The following MIR2052HG variants were observed in gnomAD, a reference collection of about 807,000 sequenced individuals.
MIR2052HG encodes MIR2052 host gene.
At chr8:74,725,152 T>C (rs1000227584) in intron 4 of MIR2052HG, among the ~76,000 whole-genome samples, 6 of 152,164 alleles carry the variant, frequency 3.9e-5, no homozygotes, top group Non-Finnish European at 8.8e-5. Context: ...AGTAACACAA[T>C]AAAACAAGCA....
At chr8:74,693,636 G>A (rs958032074) in intron 2 of MIR2052HG, among the ~76,000 whole-genome samples, 5 of 151,888 alleles carry the variant, frequency 3.3e-5, no homozygotes, top group Non-Finnish European at 7.4e-5. Context: ...GGAATGGTGG[G>A]AATGAGACCA....
At chr8:74,644,224 C>T (rs1052624990) in intron 2 of MIR2052HG, among the ~76,000 whole-genome samples, 10 of 152,294 alleles carry the variant, frequency 6.6e-5, no homozygotes, top group African/African-American at 1.9e-4. Flanking sequence ...CACATAATGA[C>T]GTTTCAGTCA....
chr8:74,691,010 T>C (rs1809234362), intron 2 of MIR2052HG, among the ~76,000 whole-genome samples: 1 of 152,194 alleles, frequency 6.6e-6, no homozygotes, highest in Non-Finnish European at 1.5e-5. Context: ...CTTTACTAAG[T>C]ATTATTGGGT....
chr8:74,690,370 T>G (rs547320270), intron 2 of MIR2052HG, among the ~76,000 whole-genome samples: 23 of 152,264 alleles, frequency 1.5e-4, no homozygotes, highest in African/African-American at 5.3e-4. Flanking sequence ...GAGGAAACAG[T>G]GTGAGCTAAT....
At chr8:74,609,486 T>C (rs1414367069) in intron 1 of MIR2052HG, among the ~76,000 whole-genome samples, 1 of 151,726 alleles carries the variant, frequency 6.6e-6, no homozygotes, top group Non-Finnish European at 1.5e-5. Context: ...GACAAAGATA[T>C]TGCAAAGGAA....
At chr8:74,627,356 A>G (rs1808450803) in intron 2 of MIR2052HG, among the ~76,000 whole-genome samples, 1 of 152,242 alleles carries the variant, frequency 6.6e-6, no homozygotes, top group Admixed American at 6.5e-5. Flanking sequence ...CCAATGGCTG[A>G]TGAGTGTTGC....
intron 2 of MIR2052HG, among the ~76,000 whole-genome samples, chr8:74,646,246 G>C (rs1342725360): frequency 6.6e-6 from 1 of 152,192 alleles, no homozygotes; most frequent in Non-Finnish European, 1.5e-5. Context: ...CTTCCTAGAG[G>C]AAGTAAGAGA....
intron 1 of MIR2052HG, among the ~76,000 whole-genome samples, chr8:74,600,546 CAA>C (rs1807981802): frequency 7.6e-6 from 1 of 131,124 alleles, no homozygotes; most frequent in East Asian, 2.2e-4. Context: ...CCAGCCTGGG[CAA>C]CAAGAGCAAA....
chr8:74,680,305 A>G (rs1032653957), intron 2 of MIR2052HG, among the ~76,000 whole-genome samples: 2 of 152,212 alleles, frequency 1.3e-5, no homozygotes, highest in African/African-American at 2.4e-5. Context: ...CAAAGAAGAA[A>G]TAAAATCATG....
At chr8:74,616,521 A>G (rs1238256386) in intron 2 of MIR2052HG, among the ~76,000 whole-genome samples, 5 of 151,510 alleles carry the variant, frequency 3.3e-5, no homozygotes, top group Non-Finnish European at 7.4e-5. Context: ...CTTTTTAAGT[A>G]TTACTGTCCC....
chr8:74,678,099 T>C (rs1809074715), intron 2 of MIR2052HG, among the ~76,000 whole-genome samples: 1 of 152,180 alleles, frequency 6.6e-6, no homozygotes, highest in African/African-American at 2.4e-5. Flanking sequence ...AAAAGTTGGC[T>C]GAAGAGATAA....
intron 4 of MIR2052HG, among the ~76,000 whole-genome samples, chr8:74,751,020 C>G (rs1200607567): frequency 6.6e-6 from 1 of 152,176 alleles, no homozygotes; most frequent in Non-Finnish European, 1.5e-5. Context: ...TTTAAAAATA[C>G]AGCACATTCT....
chr8:74,603,438 C>T (rs1422795935), intron 1 of MIR2052HG: 32 of 1,607,714 alleles, frequency 2.0e-5, no homozygotes, highest in Middle Eastern at 1.7e-4. Flanking sequence ...GTGCCCCAGA[C>T]ATCTGACGGA....
intron 2 of MIR2052HG, among the ~76,000 whole-genome samples, chr8:74,640,743 T>C (rs75402635): frequency 0.045 from 6,800 of 152,250 alleles, 229 homozygotes; most frequent in Non-Finnish European, 0.053. Context: ...TCCATAAACA[T>C]CGTCCTTTTT....
chr8:74,709,361 C>T (rs763328087), intron 4 of MIR2052HG, among the ~76,000 whole-genome samples: 8 of 151,860 alleles, frequency 5.3e-5, no homozygotes, highest in Non-Finnish European at 7.4e-5. Flanking sequence ...AAGTTAGAGA[C>T]CAAATTATGG....
chr8:74,749,629 T>G (rs1809923780), intron 4 of MIR2052HG, among the ~76,000 whole-genome samples: 1 of 151,928 alleles, frequency 6.6e-6, no homozygotes, highest in Non-Finnish European at 1.5e-5. Flanking sequence ...GGTGGGTGGA[T>G]CTTGAGGTCA....
chr8:74,612,080 C>A (rs1431853686), intron 1 of MIR2052HG, among the ~76,000 whole-genome samples: 2 of 152,118 alleles, frequency 1.3e-5, no homozygotes, highest in Non-Finnish European at 2.9e-5. Flanking sequence ...AAAACGCCTG[C>A]CTTGGGCTTT....
chr8:74,633,824 G>A (rs185733298), intron 2 of MIR2052HG, among the ~76,000 whole-genome samples: 1 of 152,290 alleles, frequency 6.6e-6, no homozygotes, highest in Non-Finnish European at 1.5e-5. Flanking sequence ...GTAACTATGA[G>A]CCTTTGACTA....
intron 5 of MIR2052HG, among the ~76,000 whole-genome samples, chr8:74,756,119 T>C (rs1501349): frequency 0.64 from 97,175 of 152,054 alleles, 32,313 homozygotes; most frequent in African/African-American, 0.82. Context: ...TAGAATGGCT[T>C]ACAAAACTCA....
Sources: allele counts gnomAD v4.1 joint callset (sites outside exome capture counted in the v4.1 genomes callset), GRCh38; gene constraint gnomAD v4.1.1; transcripts MANE v1.5; gene names NCBI Gene and HGNC (gene_info 2026-07-23, HGNC 2026-07-21).